The following DTWD2 variants were observed in gnomAD, a reference collection of about 807,000 sequenced individuals.
DTWD2 encodes tRNA-uridine aminocarboxypropyltransferase 2.
DTWD2 carries 39 observed loss-of-function variants against 31.8 expected under a neutral mutation model. That is an observed-to-expected ratio of 1.22 (90% CI 0.95 to 1.60). The LOEUF (loss-of-function observed/expected upper bound fraction) is 1.60. DTWD2 is among the 40% of genes most tolerant of loss of function. The pLI is 0.00. For synonymous variants in DTWD2, 180 were observed against 142.8 expected (o/e 1.26, Z -1.86); for missense variants, 515 against 381.5 (o/e 1.35, Z -2.92).
chr5:118,910,132 A>G (rs995248678), intron 4 of DTWD2, among the ~76,000 whole-genome samples: 2 of 152,208 alleles, frequency 1.3e-5, no homozygotes, highest in Admixed American at 6.5e-5. Context: ...ATTGTTTAAA[A>G]CATGGCCAGG....
At chr5:118,973,079 C>CCTTTTT (rs1221777850) in intron 1 of DTWD2, among the ~76,000 whole-genome samples, 3 of 139,996 alleles carry the variant, frequency 2.1e-5, no homozygotes, top group Non-Finnish European at 3.1e-5. Flanking sequence ...TTGCAACCCC[C>CCTTTTT]TTTTTTTTTT....
intron 4 of DTWD2, among the ~76,000 whole-genome samples, chr5:118,908,469 A>G (rs1753382876): frequency 6.6e-6 from 1 of 152,206 alleles, no homozygotes; most frequent in Non-Finnish European, 1.5e-5. Flanking sequence ...GTGTTAGTCA[A>G]AGAGCTAGTA....
chr5:118,911,298 C>T (rs1753453025), intron 4 of DTWD2, among the ~76,000 whole-genome samples: 1 of 152,116 alleles, frequency 6.6e-6, no homozygotes, highest in Non-Finnish European at 1.5e-5. Context: ...TAAAGCAAAA[C>T]CACAATGAGA....
intron 4 of DTWD2, among the ~76,000 whole-genome samples, chr5:118,907,417 G>T (rs905733411): frequency 6.6e-5 from 10 of 152,176 alleles, no homozygotes; most frequent in African/African-American, 2.4e-4. Context: ...GCCCAAATCT[G>T]CAGTGTGAGC....
intron 1 of DTWD2, among the ~76,000 whole-genome samples, chr5:118,949,260 C>T (rs1754406399): frequency 6.6e-6 from 1 of 152,068 alleles, no homozygotes; most frequent in South Asian, 2.1e-4. Flanking sequence ...GTTCCTGAAG[C>T]CTTGTGGCAG....
At chr5:118,905,653 C>T (rs911660517) in intron 4 of DTWD2, among the ~76,000 whole-genome samples, 17 of 152,034 alleles carry the variant, frequency 1.1e-4, no homozygotes, top group Non-Finnish European at 2.4e-4. Flanking sequence ...CAAAAGTGAT[C>T]GCCCTGGTAA....
chr5:118,983,438 G>A (rs1209238655), intron 1 of DTWD2, among the ~76,000 whole-genome samples: 1 of 152,118 alleles, frequency 6.6e-6, no homozygotes, highest in Non-Finnish European at 1.5e-5. Context: ...AACATCTGTA[G>A]AGTGCCAGTT....
chr5:118,980,545 A>C (rs1461800307), intron 1 of DTWD2, among the ~76,000 whole-genome samples: 2 of 152,244 alleles, frequency 1.3e-5, no homozygotes. Context: ...CAAATGGCCA[A>C]AAAGCACATG....
intron 4 of DTWD2, among the ~76,000 whole-genome samples, chr5:118,900,775 A>G (rs150787791): frequency 1.0e-3 from 154 of 152,204 alleles, no homozygotes; most frequent in African/African-American, 3.4e-3. Flanking sequence ...AACACAAAAA[A>G]TTAGCCAGGC....
intron 1 of DTWD2, among the ~76,000 whole-genome samples, chr5:118,984,212 C>T (rs1203782403): frequency 6.6e-6 from 1 of 152,034 alleles, no homozygotes; most frequent in African/African-American, 2.4e-5. Flanking sequence ...TCGCTTGAAC[C>T]TGGGTGGCAG....
intron 2 of DTWD2, 152 bp from the exon 3 acceptor site, chr5:118,939,442 C>T (rs1415349232): frequency 3.2e-6 from 2 of 632,326 alleles, no homozygotes; most frequent in Non-Finnish European, 4.9e-6. Flanking sequence ...GGTAAAATTT[C>T]TCTGATTTAT....
chr5:118,977,675 A>C (rs1241165940), intron 1 of DTWD2, among the ~76,000 whole-genome samples: 1 of 152,214 alleles, frequency 6.6e-6, no homozygotes, highest in African/African-American at 2.4e-5. Context: ...CCACTGCTCA[A>C]GGAAATCAGA....
At chr5:118,879,748 G>A (rs917298398) in intron 4 of DTWD2, among the ~76,000 whole-genome samples, 7 of 152,112 alleles carry the variant, frequency 4.6e-5, no homozygotes, top group Middle Eastern at 3.4e-3. Context: ...GTAGAGCTAA[G>A]TGATGAGAAC....
At chr5:118,937,370 T>C (rs906020733) in intron 3 of DTWD2, among the ~76,000 whole-genome samples, 2 of 128,562 alleles carry the variant, frequency 1.6e-5, no homozygotes, top group Non-Finnish European at 3.2e-5. Flanking sequence ...GCAGCTCTTA[T>C]ATGTTATCAC....
At chr5:118,973,522 T>G (rs917802584) in intron 1 of DTWD2, among the ~76,000 whole-genome samples, 1 of 152,240 alleles carries the variant, frequency 6.6e-6, no homozygotes, top group African/African-American at 2.4e-5. Flanking sequence ...GAAGCTTAGT[T>G]TGGCTGGAGA....
intron 1 of DTWD2, among the ~76,000 whole-genome samples, chr5:118,960,814 A>G (rs890597550): frequency 1.3e-5 from 2 of 152,178 alleles, no homozygotes; most frequent in African/African-American, 4.8e-5. Flanking sequence ...TAAGTGAACT[A>G]ACGCAAGAAC....
At chr5:118,882,405 G>A (rs2149555077) in intron 4 of DTWD2, among the ~76,000 whole-genome samples, 1 of 152,308 alleles carries the variant, frequency 6.6e-6, no homozygotes, top group East Asian at 1.9e-4. Flanking sequence ...GCTGTCAGTG[G>A]ATCTACATTC....
In DTWD2 at chr5:118,891,538, T is replaced by C. The variant is rs189313467; in HGVS notation, c.597+36999A>G. Among the ~76,000 whole-genome samples the C allele has an allele frequency of 1.4e-4, 21 of 152,324 alleles. No homozygotes were observed. In the East Asian group the frequency reaches 3.3e-3, roughly 24 times the overall value. On this transcript the variant is annotated intron_variant, in intron 4 of 5. Transcript: ENST00000510708. The stretch of plus-strand genomic sequence containing the variant: ...CACAGCCTACTCTCAATTGTGGCTA[T>C]GCAAAACATCTCTGAATAATGTACT...
chr5:118,893,680 C>A (rs1055751383), intron 4 of DTWD2, among the ~76,000 whole-genome samples: 1 of 151,824 alleles, frequency 6.6e-6, no homozygotes, highest in Non-Finnish European at 1.5e-5. Flanking sequence ...AGAACTTTTA[C>A]CAGTTGGGTC....
Sources: allele counts gnomAD v4.1 joint callset (sites outside exome capture counted in the v4.1 genomes callset), GRCh38; gene constraint gnomAD v4.1.1; transcripts MANE v1.5; gene names NCBI Gene and HGNC (gene_info 2026-07-23, HGNC 2026-07-21).